Variants in DLG2 observed in about 807,000 individuals in gnomAD.
The protein encoded by DLG2 is disks large homolog 2.
DLG2 carries 45 observed loss-of-function variants against 132.5 expected under a neutral mutation model. That is an observed-to-expected ratio of 0.34 (90% CI 0.27 to 0.44). The LOEUF is 0.44. Ranked by LOEUF, DLG2 falls within the 20% of genes least tolerant of loss-of-function variation. The probability of loss-of-function intolerance (pLI) is 1.00; values close to 1 mark genes in which losing one functional copy is unlikely to be tolerated. For missense variants in DLG2, 1,045 were observed against 1,196.9 expected (o/e 0.87, Z 1.87); for synonymous variants, 424 against 419.6 (o/e 1.01, Z -0.13).
chr11:85,517,055 C>T (rs2094183666), intron 3 of DLG2, among the ~76,000 whole-genome samples: 1 of 151,966 alleles, frequency 6.6e-6, no homozygotes, highest in African/African-American at 2.4e-5. Context: ...AATCCAACAG[C>T]ACATCAAAAA....
rs114423236 is a variant in DLG2 at position 85,387,386 on chromosome 11, T to C, written c.41-102021A>G. ...TGAAAAGCAGGTAATAATTTTAGAC[T>C]AAAGGGAGTTCTCAATTTTTCCAAA... is the stretch of plus-strand genomic sequence containing the variant. On this transcript the variant is annotated intron_variant, in intron 3 of 27. Coordinates refer to ENST00000376104, the MANE Select transcript of DLG2 (RefSeq NM_001142699.3). Among the ~76,000 whole-genome samples, 442 of 152,330 alleles carry C rather than the reference T, an allele frequency of 2.9e-3. 1 individual carries two copies. The highest frequency in any genetic ancestry group is 0.01 in the African/African-American group (428 of 41,582).
intron 15 of DLG2, among the ~76,000 whole-genome samples, chr11:83,889,408 T>C (rs1220759134): frequency 6.6e-6 from 1 of 151,438 alleles, no homozygotes; most frequent in Non-Finnish European, 1.5e-5. Context: ...CACAATGAGA[T>C]ACCATCTCAC....
At position 83,962,987 on chromosome 11, in the gene DLG2, C is replaced by T; in HGVS notation, c.1238G>A (p.Gly413Asp). 1 of 1,612,686 alleles carries T rather than the reference C, an allele frequency of 6.2e-7. No homozygotes were observed. ...TTTATATTCTAAAGTGCCATTGTTG[C>T]CAGAGAGTAGATGGTTTTCCATTGG... ...SPPMENHLLS[G>D]NNGTLEYKTS... Residue 413 changes from glycine to aspartate, a missense_variant, in exon 14 of 28, where the codon GGC (glycine) becomes GAC (aspartate). Coordinates refer to ENST00000376104, the MANE Select transcript of DLG2 (RefSeq NM_001142699.3).
intron 16 of DLG2, among the ~76,000 whole-genome samples, chr11:83,843,614 G>GA (rs34618748): frequency 4.6e-4 from 70 of 151,242 alleles, no homozygotes; most frequent in Middle Eastern, 3.4e-3. Flanking sequence ...TTCATGAACG[G>GA]AAAAAAAAGT....
chr11:84,989,814 T>C (rs766485084), intron 6 of DLG2, among the ~76,000 whole-genome samples: 8 of 152,058 alleles, frequency 5.3e-5, no homozygotes, highest in Non-Finnish European at 7.4e-5. Flanking sequence ...CTTATAGAAA[T>C]AGACTTACAT....
intron 3 of DLG2, among the ~76,000 whole-genome samples, chr11:85,506,853 A>C (rs2093947076): frequency 6.6e-6 from 1 of 152,168 alleles, no homozygotes; most frequent in Non-Finnish European, 1.5e-5. Flanking sequence ...TGGGAGTCTA[A>C]GTCTCTTTGT....
At chr11:83,824,174 T>G (rs991282736) in intron 17 of DLG2, among the ~76,000 whole-genome samples, 2 of 152,184 alleles carry the variant, frequency 1.3e-5, no homozygotes, top group African/African-American at 4.8e-5. Context: ...AGGTTAGGCA[T>G]TTTATCTCCA....
intron 6 of DLG2, among the ~76,000 whole-genome samples, chr11:84,714,537 T>TTC (rs1298597747): frequency 1.1e-4 from 12 of 104,844 alleles, no homozygotes; most frequent in Admixed American, 3.6e-4. Flanking sequence ...CTCTTTCTCT[T>TTC]TCTCTTTCTC....
At chr11:85,402,484 G>C (rs1277516839) in intron 3 of DLG2, among the ~76,000 whole-genome samples, 5 of 152,110 alleles carry the variant, frequency 3.3e-5, no homozygotes, top group African/African-American at 1.2e-4. Flanking sequence ...AGCCAAACTA[G>C]ACAAATGGGA....
intron 3 of DLG2, among the ~76,000 whole-genome samples, chr11:85,360,892 A>G (rs1249721607): frequency 6.6e-6 from 1 of 152,196 alleles, no homozygotes; most frequent in African/African-American, 2.4e-5. Flanking sequence ...AGCCAAGGTC[A>G]CCAACTTATA....
At chr11:84,724,164 G>C (rs1037665603) in intron 6 of DLG2, among the ~76,000 whole-genome samples, 4 of 152,072 alleles carry the variant, frequency 2.6e-5, no homozygotes, top group African/African-American at 9.7e-5. Context: ...CTTTGAGCAA[G>C]CTACTCAGCC....
chr11:84,760,765 G>A (rs894237458), intron 6 of DLG2, among the ~76,000 whole-genome samples: 1 of 152,128 alleles, frequency 6.6e-6, no homozygotes, highest in Non-Finnish European at 1.5e-5. Flanking sequence ...ATTAGAAGAG[G>A]GCAGTTCCCC....
chr11:84,597,155 G>T (rs2099562683), intron 6 of DLG2, among the ~76,000 whole-genome samples: 1 of 152,106 alleles, frequency 6.6e-6, no homozygotes, highest in South Asian at 2.1e-4. Flanking sequence ...AGGAGGCAGA[G>T]GTTGCAGTAA....
At chr11:85,285,406 T>C (rs764540698) in intron 3 of DLG2, 41 bp from the exon 4 acceptor site, 9 of 1,589,272 alleles carry the variant, frequency 5.7e-6, no homozygotes, top group Middle Eastern at 1.7e-4. Flanking sequence ...ATGTAATGCA[T>C]GACTTCATAA....
chr11:84,736,255 A>G (rs1018654208), intron 6 of DLG2, among the ~76,000 whole-genome samples: 33 of 151,672 alleles, frequency 2.2e-4, no homozygotes, highest in African/African-American at 8.0e-4. Context: ...CACCAATACT[A>G]TATTTTGGTT....
chr11:83,553,896 T>TC (rs1565775321), intron 19 of DLG2, among the ~76,000 whole-genome samples: 1 of 151,010 alleles, frequency 6.6e-6, no homozygotes, highest in Non-Finnish European at 1.5e-5. Context: ...TTTCTTTTTT[T>TC]TTCTTTTTTT....
chr11:84,262,096 G>A (rs2097554997), intron 7 of DLG2, among the ~76,000 whole-genome samples: 1 of 152,094 alleles, frequency 6.6e-6, no homozygotes, highest in South Asian at 2.1e-4. Flanking sequence ...ACCCTATGAA[G>A]TACATATTCC....
intron 3 of DLG2, among the ~76,000 whole-genome samples, chr11:85,528,017 T>A (rs1299298154): frequency 1.3e-5 from 2 of 152,232 alleles, no homozygotes; most frequent in African/African-American, 2.4e-5. Flanking sequence ...CTTTGCCCAC[T>A]TTTTGATGGG....
intron 6 of DLG2, among the ~76,000 whole-genome samples, chr11:84,740,955 C>A (rs2064538482): frequency 6.6e-6 from 1 of 151,864 alleles, no homozygotes; most frequent in African/African-American, 2.4e-5. Context: ...CCCTGGCCTT[C>A]ACAAAACCCA....
Sources: gnomAD v4.1 joint callset for allele counts (sites outside exome capture counted in the v4.1 genomes callset) on GRCh38, gnomAD v4.1.1 for gene constraint, MANE v1.5 for transcripts, NCBI Gene and HGNC (gene_info 2026-07-23, HGNC 2026-07-21) for gene names.